The following OPCML variants were observed in gnomAD, a reference collection of about 807,000 sequenced individuals.
OPCML encodes the protein opioid-binding protein/cell adhesion molecule.
OPCML carries 13 observed loss-of-function variants against 37.8 expected under a neutral mutation model. The ratio of observed to expected loss-of-function variants is 0.34; its 90% CI spans 0.22 to 0.55. The LOEUF (loss-of-function observed/expected upper bound fraction) is 0.55. Ranked by LOEUF, OPCML falls within the 20% of genes least tolerant of loss-of-function variation. The pLI, the probability that OPCML is intolerant of heterozygous loss-of-function variation, is 0.91. For synonymous variants in OPCML, 176 were observed against 168.8 expected (o/e 1.04, Z -0.33); for missense variants, 341 against 435.6 (o/e 0.78, Z 1.93).
At chr11:133,125,529 T>C (rs1302242636) in intron 1 of OPCML, among the ~76,000 whole-genome samples, 1 of 149,928 alleles carries the variant, frequency 6.7e-6, no homozygotes, top group Non-Finnish European at 1.5e-5. Flanking sequence ...GTATTAGTGT[T>C]CTCCAGAGAA....
intron 3 of OPCML, among the ~76,000 whole-genome samples, chr11:132,611,562 T>A (rs990787879): frequency 6.6e-6 from 1 of 152,188 alleles, no homozygotes. Context: ...AAGGTTTTTA[T>A]CTCATGAATT....
At chr11:132,659,267 T>A in intron 2 of OPCML, among the ~76,000 whole-genome samples, 1 of 152,178 alleles carries the variant, frequency 6.6e-6, no homozygotes, top group East Asian at 1.9e-4. Context: ...TGCTCCCCAC[T>A]TTCAAAGGCT....
intron 3 of OPCML, among the ~76,000 whole-genome samples, chr11:132,609,685 G>C (rs1160097741): frequency 6.6e-6 from 1 of 152,092 alleles, no homozygotes; most frequent in Non-Finnish European, 1.5e-5. Context: ...AGTTCCTTGG[G>C]CAAAGTTCAT....
chr11:133,481,124 T>C (rs1947362210), intron 1 of OPCML, among the ~76,000 whole-genome samples: 3 of 152,220 alleles, frequency 2.0e-5, no homozygotes, highest in Non-Finnish European at 1.5e-5. Flanking sequence ...TAACCATATA[T>C]GACTGTGAAG....
At chr11:133,187,684 T>G (rs916497861) in intron 1 of OPCML, among the ~76,000 whole-genome samples, 5 of 152,156 alleles carry the variant, frequency 3.3e-5, no homozygotes, top group Non-Finnish European at 5.9e-5. Flanking sequence ...TGCAATGCAG[T>G]CTAGAGCTAC....
chr11:133,292,893 G>T (rs529633570), intron 1 of OPCML, among the ~76,000 whole-genome samples: 2 of 152,268 alleles, frequency 1.3e-5, no homozygotes, highest in South Asian at 4.2e-4. Context: ...GCATGGGGAT[G>T]CTCTGCTTTG....
intron 2 of OPCML, among the ~76,000 whole-genome samples, chr11:132,678,988 G>T (rs1189388340): frequency 6.6e-6 from 1 of 152,008 alleles, no homozygotes; most frequent in Non-Finnish European, 1.5e-5. Context: ...GATGTGTGGG[G>T]ACTCTGTATA....
At chr11:133,460,338 C>G (rs1034845971) in intron 1 of OPCML, among the ~76,000 whole-genome samples, 1 of 151,718 alleles carries the variant, frequency 6.6e-6, no homozygotes, top group Non-Finnish European at 1.5e-5. Context: ...AAGTCCAAAA[C>G]TAGCAGAAGG....
chr11:133,470,965 C>G (rs1947097280), intron 1 of OPCML, among the ~76,000 whole-genome samples: 1 of 152,122 alleles, frequency 6.6e-6, no homozygotes, highest in South Asian at 2.1e-4. Flanking sequence ...AGCTGTCCAC[C>G]AAATCAACAA....
At chr11:132,780,103 A>G (rs1946950673) in intron 2 of OPCML, among the ~76,000 whole-genome samples, 1 of 152,224 alleles carries the variant, frequency 6.6e-6, no homozygotes, top group South Asian at 2.1e-4. Flanking sequence ...TGTCATCACA[A>G]TCCTCATCAA....
At chr11:133,103,459 C>T (rs1453828) in intron 1 of OPCML, among the ~76,000 whole-genome samples, 51,722 of 152,112 alleles carry the variant, frequency 0.34, 10,546 homozygotes, top group East Asian at 0.5. Context: ...TCCTGAGTTG[C>T]AGCAGAGTTA....
chr11:133,419,425 TA>T, intron 1 of OPCML: 1 of 677,500 alleles, frequency 1.5e-6, no homozygotes, highest in Non-Finnish European at 1.8e-6. Context: ...AGCCAATTAC[TA>T]AATACAACCA....
intron 1 of OPCML, among the ~76,000 whole-genome samples, chr11:133,439,592 C>T (rs896269072): frequency 2.6e-5 from 4 of 151,978 alleles, no homozygotes; most frequent in Non-Finnish European, 5.9e-5. Context: ...CTCAGCCTCC[C>T]GAGTGGCTGG....
rs1591719598 is a variant in OPCML at position 132,863,568 on chromosome 11, T to C, written c.146+79358A>G. On this transcript the variant is annotated intron_variant, in intron 2 of 7. Transcript: ENST00000524381. ...GGCTGGCGGCAGAATCCAGAATCCC[T>C]CTTCCTCAAGGCAGGTCACTGAAGT... is the stretch of plus-strand genomic sequence containing the variant. Among the ~76,000 whole-genome samples, 6 of 152,286 alleles carry C rather than the reference T, an allele frequency of 3.9e-5. No individual in the cohort carries two copies. In the South Asian group the frequency reaches 1.2e-3, roughly 32 times the overall value.
intron 2 of OPCML, among the ~76,000 whole-genome samples, chr11:132,877,599 C>G (rs994471770): frequency 6.6e-6 from 1 of 152,150 alleles, no homozygotes; most frequent in Non-Finnish European, 1.5e-5. Context: ...ACCCTCAGAT[C>G]CCTCTGGAGC....
chr11:133,386,950 G>A (rs879595802), intron 1 of OPCML, among the ~76,000 whole-genome samples: 11 of 152,160 alleles, frequency 7.2e-5, no homozygotes, highest in Non-Finnish European at 1.5e-4. Context: ...AGAGGGTCCT[G>A]CCCACCCTCC....
At chr11:132,427,491 C>T (rs927439786) in intron 7 of OPCML, among the ~76,000 whole-genome samples, 17 of 152,282 alleles carry the variant, frequency 1.1e-4, no homozygotes, top group South Asian at 4.1e-4. Flanking sequence ...GCAAACGTGG[C>T]GCTGTGTTGT....
At chr11:133,229,715 G>A in intron 1 of OPCML, among the ~76,000 whole-genome samples, 1 of 152,176 alleles carries the variant, frequency 6.6e-6, no homozygotes, top group East Asian at 1.9e-4. Flanking sequence ...GCAGCTTCAG[G>A]CATCCTCTGG....
At chr11:132,519,161 ATTGT>A (rs1158608832) in intron 4 of OPCML, among the ~76,000 whole-genome samples, 4 of 152,180 alleles carry the variant, frequency 2.6e-5, no homozygotes, top group Non-Finnish European at 5.9e-5. Flanking sequence ...AGACATCATA[ATTGT>A]TTGTTGTAAG....
Sources: allele counts gnomAD v4.1 joint callset (sites outside exome capture counted in the v4.1 genomes callset), GRCh38; gene constraint gnomAD v4.1.1; transcripts MANE v1.5; gene names NCBI Gene and HGNC (gene_info 2026-07-23, HGNC 2026-07-21).